The following PLXNA1 variants were observed in gnomAD, a reference collection of about 807,000 sequenced individuals.
PLXNA1 encodes plexin A1.
In PLXNA1, 77 loss-of-function variants were observed where a neutral mutation model predicts 191.7. That is an observed-to-expected ratio of 0.40 (90% CI 0.33 to 0.49). The LOEUF is 0.49. Among genes scored for constraint, PLXNA1 ranks in the 20% least tolerant of loss-of-function variants. The pLI, the probability that PLXNA1 is intolerant of heterozygous loss-of-function variation, is 0.63. For missense variants in PLXNA1, 2,110 were observed against 2,660.2 expected (o/e 0.79, Z 4.55); for synonymous variants, 1,137 against 1,156.4 (o/e 0.98, Z 0.34).
intron 15 of PLXNA1, 78 bp from the exon 16 acceptor site, chr3:127,016,439 C>T (rs1346464814): frequency 1.5e-5 from 19 of 1,306,954 alleles, no homozygotes; most frequent in Middle Eastern, 2.0e-4. Context: ...CTGTTCCCAC[C>T]GTCCCTCAAT....
Position 127,017,892 on chromosome 3 carries a change from G to T in PLXNA1, c.3660G>T (p.Thr1220=), listed in dbSNP as rs745908091. 2 of 1,612,000 alleles carry T rather than the reference G, an allele frequency of 1.2e-6. No individual in the cohort carries two copies. Among genetic ancestry groups the T allele is most frequent in the Non-Finnish European group, 1.7e-6 (2 of 1,179,984 alleles). ...ACCTCACTGGGCAGCACAAGGTCAC[G>T]GTGCGTCTGTCCACCGGGGGTGCAG... ...APNLTGQHKV[T]VRAGGFEFSP... The change falls in exon 19 of 32, where the codon ACG becomes ACT. Residue 1220 remains threonine (T), a splice_region_variant and synonymous_variant. Coordinates refer to ENST00000393409, the MANE Select transcript of PLXNA1 (RefSeq NM_032242.4).
intron 1 of PLXNA1, among the ~76,000 whole-genome samples, chr3:126,986,633 C>T (rs777302579): frequency 4.6e-5 from 7 of 152,224 alleles, no homozygotes; most frequent in Non-Finnish European, 7.4e-5. Flanking sequence ...CAGTGGCAAC[C>T]ACCCAGAGCC....
intron 10 of PLXNA1, among the ~76,000 whole-genome samples, chr3:127,012,820 T>C (rs2079102393): frequency 6.6e-6 from 1 of 152,204 alleles, no homozygotes; most frequent in African/African-American, 2.4e-5. Flanking sequence ...TGCCCAGCAG[T>C]TGGAGGCCTG....
chr3:127,003,615 C>G (rs994556447), intron 4 of PLXNA1, 145 bp downstream of exon 4: 3 of 972,946 alleles, frequency 3.1e-6, no homozygotes, highest in Non-Finnish European at 4.2e-6. Context: ...CTGGTCTGTG[C>G]TCTGCCTCCC....
intron 9 of PLXNA1, among the ~76,000 whole-genome samples, chr3:127,011,445 A>G (rs1224695553): frequency 2.0e-5 from 3 of 152,186 alleles, no homozygotes; most frequent in Non-Finnish European, 1.5e-5. Flanking sequence ...TGTTTTCAGC[A>G]TCCCTATTTA....
rs761027007 is a variant in PLXNA1, at chr3:127,029,549, G to A, written c.4870+13G>A. 5.0e-6 allele frequency: 8 copies of A among 1,612,470 alleles called. No homozygotes were observed. The Admixed American group carries it at 6.7e-5, about 13-fold the overall frequency. ...CTCAGCAGATACGGTGAGGGGCCAG[G>A]CAGCGGGCGAGAGGGCAGCGCATGG... On this transcript the variant is annotated intron_variant, in intron 27 of 31. Coordinates refer to ENST00000393409, the MANE Select transcript of PLXNA1 (RefSeq NM_032242.4).
At chr3:127,027,500 T>C in intron 23 of PLXNA1, 1 of 369,270 alleles carries the variant, frequency 2.7e-6, no homozygotes, top group Non-Finnish European at 5.3e-6. Context: ...TGGGGTCCGC[T>C]TGTGCCATGG....
intron 9 of PLXNA1, among the ~76,000 whole-genome samples, chr3:127,008,806 G>T (rs961584384): frequency 2.0e-5 from 3 of 152,128 alleles, no homozygotes; most frequent in Non-Finnish European, 4.4e-5. Context: ...TCTCACAGAG[G>T]TCCCCTGGCC....
intron 1 of PLXNA1, among the ~76,000 whole-genome samples, chr3:126,986,848 G>T (rs1048720437): frequency 6.6e-6 from 1 of 152,210 alleles, no homozygotes. Context: ...ATGGGACTGT[G>T]CCCAGCTCCC....
At chr3:127,028,681 C>T in intron 25 of PLXNA1, 1 of 525,008 alleles carries the variant, frequency 1.9e-6, no homozygotes, top group African/African-American at 1.9e-5. Context: ...GCCCGGAGTC[C>T]TGCTGCAGAT....
In PLXNA1 at chr3:127,017,050, C is replaced by A; in HGVS notation, c.3276+13C>A. On this transcript the variant is annotated intron_variant, in intron 17 of 31. Transcript: ENST00000393409. ...TGAGAGGGAGAACGTGAGTCCCTGCCCTCAGCTGCCCACCTCGGTCCAGGC... is the reference window on the plus strand; with the variant it reads ...TGAGAGGGAGAACGTGAGTCCCTGCACTCAGCTGCCCACCTCGGTCCAGGC... 1 of 1,607,446 alleles carries A rather than the reference C, an allele frequency of 6.2e-7. No homozygotes were observed. The highest frequency in any genetic ancestry group is 8.5e-7 in the Non-Finnish European group (1 of 1,175,102).
chr3:127,003,361 G>T lies in PLXNA1; in HGVS notation c.1409G>T (p.Arg470Leu). 1 of 1,609,284 alleles carries T rather than the reference G, an allele frequency of 6.2e-7. No homozygotes were observed. The highest frequency in any genetic ancestry group is 8.5e-7 in the Non-Finnish European group (1 of 1,177,412). The change falls in exon 4 of 32, where the codon CGG becomes CTG. Residue 470 changes from arginine (R) to leucine (L), a missense_variant. Physicochemically the swap from Arg to Leu is moderately radical, Grantham distance 102. Around this residue, in one of 4 missense-constraint regions of PLXNA1, gnomAD observed 903 missense variants for 1,015.7 expected, o/e 0.89. Transcript: ENST00000393409. ...GTGGACCTCTCAAACCCCGGTGGCC[G>T]GCCTGCCCTGGCCTACGAGAGCGTC... ...ILVDLSNPGG[R>L]PALAYESVVA...
At chr3:127,017,130 T>C (rs2079127907) in intron 17 of PLXNA1, 93 bp downstream of exon 17, 8 of 1,185,826 alleles carry the variant, frequency 6.7e-6, no homozygotes, top group Non-Finnish European at 9.6e-6. Flanking sequence ...CCCCTGCCCC[T>C]ACCCCTGCCC....
chr3:127,004,914 C>A lies in PLXNA1; in HGVS notation c.1649C>A (p.Ala550Glu), dbSNP rs1469755260. Reference protein sequence around the residue: ...ICSRRDACERADEPQRFAADL... With the variant: ...ICSRRDACEREDEPQRFAADL... The stretch of plus-strand genomic sequence containing the variant: ...TCGCGGCGGGACGCCTGTGAGCGAG[C>A]AGACGAGCCCCAGCGCTTTGCTGCG... Residue 550 changes from alanine to glutamate, a missense_variant, in exon 6 of 32, where the codon GCA (alanine) becomes GAA (glutamate). Coordinates refer to ENST00000393409, the MANE Select transcript of PLXNA1 (RefSeq NM_032242.4). The A allele has an allele frequency of 1.9e-6, 3 of 1,605,348 alleles. No individual in the cohort carries two copies.
intron 3 of PLXNA1, among the ~76,000 whole-genome samples, chr3:126,998,544 G>A (rs963278521): frequency 2.6e-5 from 4 of 152,192 alleles, no homozygotes; most frequent in African/African-American, 9.7e-5. Flanking sequence ...GGTGGTTCAC[G>A]GTGGCCCCAC....
At chr3:127,004,043 G>A (rs931894159) in intron 4 of PLXNA1, among the ~76,000 whole-genome samples, 1 of 152,248 alleles carries the variant, frequency 6.6e-6, no homozygotes, top group Non-Finnish European at 1.5e-5. Context: ...GATGGGGCAG[G>A]TGGGGCCAGG....
chr3:127,018,034 C>A, intron 19 of PLXNA1, 142 bp downstream of exon 19: 1 of 1,216,640 alleles, frequency 8.2e-7, no homozygotes, highest in Non-Finnish European at 1.1e-6. Context: ...GCAGGCCCTG[C>A]CGTAGCCTTC....
rs144525424 is a variant in PLXNA1, at chr3:127,006,228, C to G, written c.1997+50C>G. The G allele has an allele frequency of 4.1e-4, 575 of 1,395,118 alleles. 2 individuals are homozygous for G. The East Asian group carries it at 0.012, about 29-fold the overall frequency. 86.4% of individuals were successfully genotyped at this position (1,395,118 alleles called of 1,614,324 possible). A position where few individuals can be genotyped will look rare whatever the true frequency, so the allele number is the denominator to read the frequency against. On this transcript the variant is annotated intron_variant, in intron 8 of 31. Transcript: ENST00000393409. Reference sequence around the variant, plus strand: ...CCGCCTGGGCCTGGGCTACTTGCCCCACTCCCGTCCCTGTGGTCCCACTGT... The same window carrying G: ...CCGCCTGGGCCTGGGCTACTTGCCCGACTCCCGTCCCTGTGGTCCCACTGT...
Position 127,028,002 on chromosome 3 carries a change from C to A in PLXNA1, c.4425C>A (p.Gly1475=). ...YCAIKQQMEK[G]PIDAITGEAR... is the part of the protein sequence containing the mutation. Reference sequence around the variant, plus strand: ...CCATCAAGCAGCAGATGGAGAAGGGCCCCATTGACGCCATCACGGGTGAGG... The same window carrying A: ...CCATCAAGCAGCAGATGGAGAAGGGACCCATTGACGCCATCACGGGTGAGG... The change falls in exon 24 of 32, where the codon GGC becomes GGA. Residue 1475 remains glycine (G), a synonymous_variant. Transcript: ENST00000393409. 6.2e-7 allele frequency: 1 copy of A among 1,613,988 alleles called. No homozygotes were observed. The highest frequency in any genetic ancestry group is 8.5e-7 in the Non-Finnish European group (1 of 1,180,008).
Sources: gnomAD v4.1 joint callset for allele counts (sites outside exome capture counted in the v4.1 genomes callset) on GRCh38, gnomAD v4.1.1 for gene constraint, gnomAD v4.1.1 regional missense constraint, MANE v1.5 for transcripts, NCBI Gene and HGNC (gene_info 2026-07-23, HGNC 2026-07-21) for gene names.